Variants in CACNA1H observed in about 807,000 individuals in gnomAD.
CACNA1H encodes the protein voltage-dependent T-type calcium channel subunit alpha-1H.
Under a neutral mutation model 192.5 loss-of-function variants are expected in CACNA1H, and 149 were observed. The ratio of observed to expected loss-of-function variants is 0.77; its 90% CI spans 0.68 to 0.89. The LOEUF (loss-of-function observed/expected upper bound fraction) is 0.89, where lower values mean the gene tolerates loss of function less well. Among genes scored for constraint, CACNA1H ranks in the 40% least tolerant of loss-of-function variants. CACNA1H has a pLI of 0.00. For missense variants in CACNA1H, 4,257 were observed against 3,423.5 expected (o/e 1.24, Z -6.08); for synonymous variants, 2,202 against 1,475.2 (o/e 1.49, Z -11.29).
At position 1,200,441 on chromosome 16, in the gene CACNA1H, T is replaced by A. The variant is rs1398272413; in HGVS notation, c.989T>A (p.Val330Glu). Reference protein sequence around the residue: ...EAYTQPQAEGVGAARNACINW... With the variant: ...EAYTQPQAEGEGAARNACINW... ...TACACGCAGCCGCAGGCCGAGGGGG[T>A]GGGCGCTGCACGCAACGCCTGCATC... The change falls in exon 7 of 35, where the codon GTG becomes GAG. Residue 330 changes from valine to glutamate, a missense_variant. By Grantham distance (121) the Val-to-Glu change is moderately radical. Transcript: ENST00000348261. The A allele has an allele frequency of 6.2e-7, 1 of 1,610,492 alleles. No individual in the cohort carries two copies. The highest frequency in any genetic ancestry group is 1.3e-5 in the African/African-American group (1 of 74,740).
At position 1,194,994 on chromosome 16, in the gene CACNA1H, C is replaced by T; in HGVS notation, c.322C>T (p.Leu108=). Residue 108 remains leucine, a synonymous_variant, in exon 3 of 35, where the codon CTG becomes TTG. Transcript: ENST00000348261. ...CNPWFEHVSM[L]VIMLNCVTLG... ...CACATGGTTCGAGCACGTGAGCATG[C>T]TGGTAATCATGCTCAACTGCGTGAC... 2.5e-6 allele frequency: 4 copies of T among 1,611,554 alleles called. No individual in the cohort carries two copies. Among genetic ancestry groups the T allele is most frequent in the Non-Finnish European group, 3.4e-6 (4 of 1,178,824 alleles).
intron 2 of CACNA1H, among the ~76,000 whole-genome samples, chr16:1,160,895 C>T (rs973712913): frequency 2.6e-5 from 4 of 152,098 alleles, no homozygotes; most frequent in Non-Finnish European, 5.9e-5. Flanking sequence ...CTCGGGTGCG[C>T]GGCCGGCGAG....
At chr16:1,200,949 C>A in intron 8 of CACNA1H, 141 bp downstream of exon 8, 1 of 266,298 alleles carries the variant, frequency 3.8e-6, no homozygotes, top group Non-Finnish European at 7.0e-6. Flanking sequence ...GCAGAGCTTG[C>A]GGGGGTGGGG....
intron 30 of CACNA1H, among the ~76,000 whole-genome samples, chr16:1,216,260 C>T (rs1445347828): frequency 6.6e-6 from 1 of 152,244 alleles, no homozygotes; most frequent in Non-Finnish European, 1.5e-5. Flanking sequence ...CAGCTGTCCC[C>T]ACTCACCCTG....
chr16:1,204,401 C>T lies in CACNA1H; in HGVS notation c.2394C>T (p.Gly798=), dbSNP rs777762276. The change falls in exon 10 of 35, where the codon GGC becomes GGT. Residue 798 remains glycine (G), a synonymous_variant. Transcript: ENST00000348261. ...RIVDSKYFSR[G]IMMAILVNTL... is the part of the protein sequence containing the mutation. ...TGGACAGCAAGTACTTCAGCCGTGG[C>T]ATCATGATGGCCATCCTTGTCAACA... 1.7e-5 allele frequency: 27 copies of T among 1,555,804 alleles called. No homozygotes were observed. The highest frequency in any genetic ancestry group is 5.6e-5 in the Admixed American group (3 of 53,380).
At chr16:1,158,431 G>C (rs114185271) in intron 2 of CACNA1H, among the ~76,000 whole-genome samples, 2,705 of 152,290 alleles carry the variant, frequency 0.018, 90 homozygotes, top group African/African-American at 0.062. Context: ...GATGGGAAGA[G>C]AGGCCCCCGG....
In CACNA1H at chr16:1,211,332, G is replaced by A. The variant is rs56269942; in HGVS notation, c.4350+38G>A. The stretch of plus-strand genomic sequence containing the variant: ...CACGTGCCCGGGGGTCTGCCCCGTC[G>A]CAGACAGGGTCTGCCTTCCCAGCGT... On this transcript the variant is annotated intron_variant, in intron 22 of 34. Coordinates refer to ENST00000348261, the MANE Select transcript of CACNA1H (RefSeq NM_021098.3). 431 of 1,611,492 alleles carry A rather than the reference G, an allele frequency of 2.7e-4. 6 individuals are homozygous for A. The East Asian group carries it at 6.6e-3, about 25-fold the overall frequency.
intron 2 of CACNA1H, among the ~76,000 whole-genome samples, chr16:1,154,280 AGGTGGAAGCGAAGC>A (rs1391385577): frequency 6.6e-6 from 1 of 152,022 alleles, no homozygotes; most frequent in Non-Finnish European, 1.5e-5. Flanking sequence ...CGGACGGAGA[AGGTGGAAGCGAAGC>A]GGTGAGGCCC....
In CACNA1H at chr16:1,200,438, G is replaced by A; in HGVS notation, c.986G>A (p.Gly329Glu). The change falls in exon 7 of 35, where the codon GGG becomes GAG. Residue 329 changes from glycine (G) to glutamate (E), a missense_variant. Gly to Glu is a moderately conservative substitution (Grantham distance 98). Coordinates refer to ENST00000348261, the MANE Select transcript of CACNA1H (RefSeq NM_021098.3). ...WEAYTQPQAE[G>E]VGAARNACIN... ...GCCTACACGCAGCCGCAGGCCGAGG[G>A]GGTGGGCGCTGCACGCAACGCCTGC... The A allele has an allele frequency of 6.2e-7, 1 of 1,611,048 alleles. No individual in the cohort carries two copies. The highest frequency in any genetic ancestry group is 1.1e-5 in the South Asian group (1 of 91,054).
chr16:1,207,272 C>T lies in CACNA1H; in HGVS notation c.2908-3C>T, dbSNP rs779098949. The T allele has an allele frequency of 2.5e-6, 4 of 1,604,484 alleles. No individual in the cohort carries two copies. The highest frequency in any genetic ancestry group is 2.2e-5 in the South Asian group (2 of 90,002). On this transcript the variant is annotated splice_region_variant and splice_polypyrimidine_tract_variant and intron_variant, in intron 13 of 34. Transcript: ENST00000348261. ...CCACCCCAGGCCCCCTGCTATCCCCCAGATCCTGACCCAGGAGGACTGGAA... is the reference window on the plus strand; with the variant it reads ...CCACCCCAGGCCCCCTGCTATCCCCTAGATCCTGACCCAGGAGGACTGGAA...
chr16:1,191,392 C>T (rs1435560439), intron 2 of CACNA1H, among the ~76,000 whole-genome samples: 1 of 99,716 alleles, frequency 1.0e-5, no homozygotes. Flanking sequence ...CAGGCACACT[C>T]GGGGTTTCGG....
intron 11 of CACNA1H, 47 bp from the exon 12 acceptor site, chr16:1,206,057 G>T (rs757349397): frequency 9.9e-6 from 15 of 1,510,956 alleles, no homozygotes; most frequent in Non-Finnish European, 1.2e-5. Flanking sequence ...GAGGGCCTGG[G>T]GTCAGGGATC....
chr16:1,212,149 C>T lies in CACNA1H; in HGVS notation c.4759+11C>T, dbSNP rs754535221. On this transcript the variant is annotated intron_variant, in intron 25 of 34. Transcript: ENST00000348261. ...AGAGGAGGCGCAGGAGTAAGGCGCT[C>T]CCGGTGGCGGTGGCGGTGGCGGGTC... is the stretch of plus-strand genomic sequence containing the variant. 3.1e-6 allele frequency: 5 copies of T among 1,598,924 alleles called. No individual in the cohort carries two copies. The highest frequency in any genetic ancestry group is 3.4e-5 in the Admixed American group (2 of 59,658).
At chr16:1,218,834 G>C in intron 33 of CACNA1H, 136 bp from the exon 34 acceptor site, 1 of 1,147,550 alleles carries the variant, frequency 8.7e-7, no homozygotes, top group Non-Finnish European at 1.2e-6. Context: ...GGTGTGGGCA[G>C]GTGAGAGAGA....
intron 2 of CACNA1H, among the ~76,000 whole-genome samples, chr16:1,155,947 C>T (rs1035884055): frequency 2.6e-5 from 4 of 151,892 alleles, no homozygotes; most frequent in African/African-American, 9.7e-5. Context: ...GGAGTATGCT[C>T]TGGTAGCCCG....
intron 12 of CACNA1H, chr16:1,206,740 C>G: frequency 2.0e-6 from 1 of 491,306 alleles, no homozygotes; most frequent in Admixed American, 3.4e-5. Context: ...CCACCCAAAT[C>G]CAGAGTGGCT....
At position 1,183,466 on chromosome 16, in the gene CACNA1H, G is replaced by A. The variant is rs572314017; in HGVS notation, c.300-11506G>A. On this transcript the variant is annotated intron_variant, in intron 2 of 34. Transcript: ENST00000348261. Reference sequence around the variant, plus strand: ...CCTTGTCTCCATGGCAGCGGCCTCCGGGGAAGGAAGAGAAACCTCCTTCAG... The same window carrying A: ...CCTTGTCTCCATGGCAGCGGCCTCCAGGGAAGGAAGAGAAACCTCCTTCAG... Among the ~76,000 whole-genome samples, 6 of 152,286 alleles carry A rather than the reference G, an allele frequency of 3.9e-5. No homozygotes were observed. In the South Asian group the frequency reaches 6.2e-4, roughly 16 times the overall value.
chr16:1,179,925 C>T (rs2407085), intron 2 of CACNA1H, among the ~76,000 whole-genome samples: 4,309 of 151,688 alleles, frequency 0.028, 141 homozygotes, highest in African/African-American at 0.077. Flanking sequence ...TTAGTAGAGA[C>T]GGGGTTTCAC....
At chr16:1,199,841 G>A (rs999887746) in intron 6 of CACNA1H, among the ~76,000 whole-genome samples, 5 of 151,734 alleles carry the variant, frequency 3.3e-5, no homozygotes, top group Non-Finnish European at 5.9e-5. Context: ...CCCTCCCCTC[G>A]TCCCTTGCCC....
Sources: gnomAD v4.1 joint callset for allele counts (sites outside exome capture counted in the v4.1 genomes callset) on GRCh38, gnomAD v4.1.1 for gene constraint, MANE v1.5 for transcripts, NCBI Gene and HGNC (gene_info 2026-07-23, HGNC 2026-07-21) for gene names.